MAGEC3: variants seen among roughly 807,000 people sequenced by gnomAD.
MAGEC3 encodes the protein melanoma-associated antigen C3.
MAGEC3 carries 34 observed loss-of-function variants against 35.3 expected under a neutral mutation model. That is an observed-to-expected ratio of 0.96 (90% CI 0.73 to 1.28). The LOEUF (loss-of-function observed/expected upper bound fraction) is 1.28, where lower values mean the gene tolerates loss of function less well. Among genes scored for constraint, MAGEC3 ranks in the 50% most tolerant of loss-of-function variants. MAGEC3 has a pLI of 0.00. For synonymous variants in MAGEC3, 202 were observed against 185.6 expected (o/e 1.09, Z -0.72); for missense variants, 561 against 483.6 (o/e 1.16, Z -1.50).
chrX:141,838,515 T>G, intron 1 of MAGEC3, 77 bp downstream of exon 1: 2 of 1,155,604 alleles, frequency 1.7e-6, no homozygotes, highest in Non-Finnish European at 2.3e-6. Flanking sequence ...AGCCTCAGTG[T>G]TGCTTGGCTC....
chrX:141,852,648 GA>G (rs2017758360), intron 1 of MAGEC3, among the ~76,000 whole-genome samples: 1 of 110,661 alleles, frequency 9.0e-6, no homozygotes, highest in African/African-American at 3.3e-5. Flanking sequence ...TTTCAGTCAT[GA>G]AAGGGTGTGT....
At chrX:141,873,941 A>G (rs772582687) in intron 2 of MAGEC3, among the ~76,000 whole-genome samples, 1 of 112,103 alleles carries the variant, frequency 8.9e-6, no homozygotes, top group African/African-American at 3.2e-5. Flanking sequence ...CAGTGGGAAG[A>G]CTAACACTTC....
chrX:141,843,933 A>G (rs1261201953), intron 1 of MAGEC3, among the ~76,000 whole-genome samples: 1 of 110,778 alleles, frequency 9.0e-6, no homozygotes, highest in East Asian at 2.9e-4. Context: ...TTATCCAGGG[A>G]TTGCCACCAC....
intron 4 of MAGEC3, among the ~76,000 whole-genome samples, chrX:141,884,655 T>A (rs2124119785): frequency 9.0e-6 from 1 of 111,483 alleles, no homozygotes; most frequent in East Asian, 2.8e-4. Context: ...GGACTCTAAT[T>A]CTAATGGCGT....
chrX:141,895,368 T>A lies in MAGEC3; in HGVS notation c.1009T>A (p.Ser337Thr), dbSNP rs780863515. Residue 337 changes from serine (S) to threonine (T), a missense_variant, in exon 5 of 8, where the codon TCA becomes ACA. By Grantham distance (58) the Ser-to-Thr change is moderately conservative. Coordinates refer to ENST00000298296, the MANE Select transcript of MAGEC3 (RefSeq NM_138702.1). The part of the protein sequence containing the change: ...EAFCEESGLR[S>T]AEGSVLDLAN... ...ATTTTGCGAGGAGTCTGGACTCAGGTCAGCAGAGGGAAGCGTCTTAGACCT... is the reference window on the plus strand; with the variant it reads ...ATTTTGCGAGGAGTCTGGACTCAGGACAGCAGAGGGAAGCGTCTTAGACCT... 1.7e-5 allele frequency: 21 copies of A among 1,210,680 alleles called. No individual in the cohort carries two copies. Among genetic ancestry groups the A allele is most frequent in the Non-Finnish European group, 2.3e-5 (21 of 895,184 alleles).
At chrX:141,869,845 G>A (rs1373389689) in intron 2 of MAGEC3, among the ~76,000 whole-genome samples, 2 of 111,750 alleles carry the variant, frequency 1.8e-5, no homozygotes, top group African/African-American at 3.3e-5. Flanking sequence ...ATTTGGACAC[G>A]AGAACTTTAG....
chrX:141,895,669 T>C, intron 6 of MAGEC3, 110 bp downstream of exon 6: 1 of 634,514 alleles, frequency 1.6e-6, no homozygotes, highest in Non-Finnish European at 2.1e-6. Flanking sequence ...ATATCAGCCC[T>C]CGTAGAGCTC....
intron 1 of MAGEC3, chrX:141,840,098 C>T (rs904582939): frequency 1.7e-6 from 1 of 580,392 alleles, no homozygotes; most frequent in Non-Finnish European, 2.1e-6. Context: ...GTGAGGAGAC[C>T]TATTCTATAG....
intron 2 of MAGEC3, among the ~76,000 whole-genome samples, chrX:141,867,926 T>C (rs2017860599): frequency 8.9e-6 from 1 of 111,793 alleles, no homozygotes; most frequent in Non-Finnish European, 1.9e-5. Context: ...ATCCAGACCA[T>C]CCTGGCTAAC....
chrX:141,886,633 A>G (rs1037478452), intron 4 of MAGEC3, among the ~76,000 whole-genome samples: 2 of 110,814 alleles, frequency 1.8e-5, no homozygotes, highest in African/African-American at 6.6e-5. Flanking sequence ...GCTTGGACTT[A>G]CAGATGATCC....
At chrX:141,854,548 T>C (rs920322468) in intron 1 of MAGEC3, among the ~76,000 whole-genome samples, 9 of 111,146 alleles carry the variant, frequency 8.1e-5, no homozygotes, top group Non-Finnish European at 1.7e-4. Flanking sequence ...GGAGATCTGA[T>C]GGTTTGATCA....
rs1469581483 is a variant in MAGEC3 at position 141,896,915 on chromosome X, C to G, written c.1157C>G (p.Pro386Arg). The change falls in exon 7 of 8, where the codon CCT becomes CGT. Residue 386 changes from proline to arginine, a missense_variant. Physicochemically the swap from Pro to Arg is moderately radical, Grantham distance 103 (BLOSUM62 -2). Transcript: ENST00000298296. The part of the protein sequence containing the change: ...DEDMPAAGMP[P>R]LPQSPPEIPP... Reference sequence around the variant, plus strand: ...GATATGCCTGCTGCTGGGATGCCACCTCTTCCCCAGAGTCCTCCTGAGATT... The same window carrying G: ...GATATGCCTGCTGCTGGGATGCCACGTCTTCCCCAGAGTCCTCCTGAGATT... The G allele has an allele frequency of 8.5e-7, 1 of 1,182,537 alleles. No individual in the cohort carries two copies. The highest frequency in any genetic ancestry group is 1.1e-6 in the Non-Finnish European group (1 of 880,775).
chrX:141,884,132 G>C (rs996836291), intron 4 of MAGEC3, among the ~76,000 whole-genome samples: 1 of 113,005 alleles, frequency 8.8e-6, no homozygotes, highest in African/African-American at 3.2e-5. Context: ...TGCAAGTATT[G>C]TTCCTGGGTT....
At chrX:141,860,454 T>C (rs1211639403) in intron 1 of MAGEC3, among the ~76,000 whole-genome samples, 1 of 112,067 alleles carries the variant, frequency 8.9e-6, no homozygotes, top group Non-Finnish European at 1.9e-5. Context: ...TGAGTATATA[T>C]CTAAAAGAAG....
chrX:141,894,724 T>G, intron 4 of MAGEC3: 1 of 969,829 alleles, frequency 1.0e-6, no homozygotes, highest in Non-Finnish European at 1.3e-6. Context: ...AGGATAGCTA[T>G]CTCCCAACAC....
intron 2 of MAGEC3, among the ~76,000 whole-genome samples, chrX:141,873,258 C>G (rs1056205089): frequency 9.0e-6 from 1 of 110,816 alleles, no homozygotes; most frequent in African/African-American, 3.3e-5. Flanking sequence ...GTTCCCATAC[C>G]TCTTCCTGCA....
chrX:141,896,645 C>T (rs759098316), intron 6 of MAGEC3: 2 of 1,205,605 alleles, frequency 1.7e-6, no homozygotes, highest in East Asian at 3.0e-5. Context: ...TCCTGAACAA[C>T]AGGCCTCATG....
chrX:141,879,721 A>G (rs1253436722), intron 3 of MAGEC3, among the ~76,000 whole-genome samples: 2 of 110,670 alleles, frequency 1.8e-5, no homozygotes, highest in East Asian at 2.9e-4. Context: ...AGATCAGCAG[A>G]CAGAAGACTC....
intron 4 of MAGEC3, among the ~76,000 whole-genome samples, chrX:141,883,532 A>G (rs754514705): frequency 8.9e-6 from 1 of 112,327 alleles, no homozygotes; most frequent in Non-Finnish European, 1.9e-5. Context: ...GATTTGCCAC[A>G]TAATATACTG....
Sources: allele counts gnomAD v4.1 joint callset (sites outside exome capture counted in the v4.1 genomes callset), GRCh38; gene constraint gnomAD v4.1.1; transcripts MANE v1.5; gene names NCBI Gene and HGNC (gene_info 2026-07-23, HGNC 2026-07-21).